Variants in CCDC110 observed in about 807,000 individuals in gnomAD.
CCDC110 encodes the protein coiled-coil domain containing 110, also known as coiled-coil domain-containing protein 110.
CCDC110 carries 70 observed loss-of-function variants against 77.1 expected under a neutral mutation model. The ratio of observed to expected loss-of-function variants is 0.91; its 90% CI spans 0.75 to 1.11. CCDC110 has a LOEUF of 1.11. Ranked by LOEUF, CCDC110 falls within the 50% of genes least tolerant of loss-of-function variation. CCDC110 has a pLI of 0.00. For synonymous variants in CCDC110, 295 were observed against 312.5 expected (o/e 0.94, Z 0.59); for missense variants, 868 against 942.9 (o/e 0.92, Z 1.04).
intron 6 of CCDC110, among the ~76,000 whole-genome samples, chr4:185,456,124 A>G (rs1414382921): frequency 7.4e-6 from 1 of 135,122 alleles, no homozygotes; most frequent in East Asian, 2.3e-4. Flanking sequence ...TGGGCAATAA[A>G]ACAAGTCTCA....
At chr4:185,461,263 C>G in intron 4 of CCDC110, 104 bp from the exon 5 acceptor site, 1 of 568,642 alleles carries the variant, frequency 1.8e-6, no homozygotes, top group South Asian at 2.4e-5. Context: ...AATTTCCTGC[C>G]CATAAACAGT....
At chr4:185,448,557 T>C (rs899233991) in intron 6 of CCDC110, among the ~76,000 whole-genome samples, 4 of 152,194 alleles carry the variant, frequency 2.6e-5, no homozygotes, top group African/African-American at 9.7e-5. Context: ...TTCCCCTAGA[T>C]ATTAGGGTAA....
chr4:185,462,664 C>T lies in CCDC110; in HGVS notation c.216G>A (p.Gln72=). 1 of 1,613,858 alleles carries T rather than the reference C, an allele frequency of 6.2e-7. No individual in the cohort carries two copies. The highest frequency in any genetic ancestry group is 1.1e-5 in the South Asian group (1 of 91,076). ...QLESFQALRM[Q]TLQNVSMVQS... ...ATACCATGCTGACATTCTGCAAAGT[C>T]TGCATTCGCAAAGCCTGAAATGATT... is the stretch of plus-strand genomic sequence containing the variant. Residue 72 remains glutamine, a synonymous_variant, in exon 4 of 7, where the codon CAG becomes CAA. Transcript: ENST00000307588.
chr4:185,460,018 T>G lies in CCDC110; in HGVS notation c.569A>C (p.Asn190Thr), dbSNP rs758018861. The G allele has an allele frequency of 1.2e-6, 2 of 1,613,200 alleles. No homozygotes were observed. The highest frequency in any genetic ancestry group is 1.7e-5 in the Admixed American group (1 of 59,948). The stretch of plus-strand genomic sequence containing the variant: ...ATTATAATTCTTCAAGATGTCAGAA[T>G]TTTCTGAAGGGTGTATAATTATGTT... ...SSNIIIHPSE[N>T]SDILKNYNNF... Residue 190 changes from asparagine to threonine, a missense_variant, in exon 6 of 7, where the codon AAT becomes ACT. Asn to Thr is a moderately conservative substitution (Grantham distance 65). Coordinates refer to ENST00000307588, the MANE Select transcript of CCDC110 (RefSeq NM_152775.4).
At chr4:185,448,057 G>C (rs1234346610) in intron 6 of CCDC110, among the ~76,000 whole-genome samples, 3 of 152,062 alleles carry the variant, frequency 2.0e-5, no homozygotes, top group Admixed American at 6.5e-5. Flanking sequence ...TTTCACTCTT[G>C]TCACCCAGGC....
intron 6 of CCDC110, among the ~76,000 whole-genome samples, chr4:185,455,145 C>T (rs939733289): frequency 6.6e-6 from 1 of 152,082 alleles, no homozygotes; most frequent in Non-Finnish European, 1.5e-5. Context: ...AAAGGATGCA[C>T]CTAACTTTTT....
Position 185,458,263 on chromosome 4 carries a change from C to A in CCDC110, c.2324G>T (p.Ser775Ile), listed in dbSNP as rs2095639186. The A allele has an allele frequency of 1.1e-5, 17 of 1,600,318 alleles. No individual in the cohort carries two copies. In the East Asian group the frequency reaches 3.8e-4, roughly 36 times the overall value. Reference sequence around the variant, plus strand: ...ATTATGCTGATTACAAATTTTATCACTTAAACTTAAATATTCTCGTTGAAG... The same window carrying A: ...ATTATGCTGATTACAAATTTTATCAATTAAACTTAAATATTCTCGTTGAAG... ...RHLQREYLSL[S>I]DKICNQHNDP... The change falls in exon 6 of 7, where the codon AGT (serine) becomes ATT (isoleucine). Residue 775 changes from serine to isoleucine, a missense_variant. By Grantham distance (142) the Ser-to-Ile change is moderately radical. Coordinates refer to ENST00000307588, the MANE Select transcript of CCDC110 (RefSeq NM_152775.4).
At position 185,468,121 on chromosome 4, in the gene CCDC110, T is replaced by A. The variant is rs2095659461; in HGVS notation, c.115+2824A>T. On this transcript the variant is annotated intron_variant, in intron 2 of 6. Transcript: ENST00000307588. This position sits in a 1 kb window ranked among gnomAD's most constrained non-coding sequence, Gnocchi z 4.5. ...GACAATTCAAGTTCATTCCTAGATG[T>A]CCCTGTCTTACAAAGCTTTGTGAGG... 6.6e-6 allele frequency among the ~76,000 whole-genome samples: 1 copy of A among 152,220 alleles called. No homozygotes were observed. The highest frequency in any genetic ancestry group is 1.5e-5 in the Non-Finnish European group (1 of 68,040).
chr4:185,469,958 C>T (rs997888736), intron 2 of CCDC110, among the ~76,000 whole-genome samples: 1 of 152,198 alleles, frequency 6.6e-6, no homozygotes. Flanking sequence ...CTAGACCCTT[C>T]TCCTGCCCCG....
intron 4 of CCDC110, 36 bp from the exon 5 acceptor site, chr4:185,461,195 A>G: frequency 9.0e-7 from 1 of 1,105,472 alleles, no homozygotes; most frequent in Non-Finnish European, 1.3e-6. Context: ...TTGATTTCAG[A>G]TTTGTAAACT....
chr4:185,457,251 G>A, intron 6 of CCDC110: 1 of 456,262 alleles, frequency 2.2e-6, no homozygotes, highest in Admixed American at 2.3e-5. Context: ...CTGGAGCACA[G>A]AACAGGTGTG....
intron 5 of CCDC110, 123 bp downstream of exon 5, chr4:185,460,926 T>C (rs748336548): frequency 6.9e-6 from 4 of 578,420 alleles, no homozygotes. Flanking sequence ...GGAGTTTCCT[T>C]ATTTTCATCT....
intron 2 of CCDC110, among the ~76,000 whole-genome samples, chr4:185,467,052 A>T (rs1308467915): frequency 1.3e-5 from 2 of 152,208 alleles, no homozygotes; most frequent in Non-Finnish European, 2.9e-5. Context: ...TTATGAGTGG[A>T]GCGGCCAGGG....
chr4:185,449,745 C>A, intron 6 of CCDC110: 1 of 744,650 alleles, frequency 1.3e-6, no homozygotes, highest in South Asian at 2.3e-5. Flanking sequence ...GCAGATAGCT[C>A]AAGCAGTTAA....
chr4:185,470,218 C>T lies in CCDC110; in HGVS notation c.115+727G>A, dbSNP rs545911174. 3.9e-4 allele frequency among the ~76,000 whole-genome samples: 59 copies of T among 152,328 alleles called. 1 individual carries two copies. The highest frequency in any genetic ancestry group is 1.3e-3 in the African/African-American group (54 of 41,566). On this transcript the variant is annotated intron_variant, in intron 2 of 6. Transcript: ENST00000307588. The stretch of plus-strand genomic sequence containing the variant: ...TTTTCTTTAGAAAAGGTATACACCC[C>T]TCCCTGGATATCCACAGGGGATTGG...
intron 5 of CCDC110, among the ~76,000 whole-genome samples, chr4:185,460,725 A>G (rs2095644507): frequency 6.6e-6 from 1 of 152,146 alleles, no homozygotes; most frequent in Non-Finnish European, 1.5e-5. Flanking sequence ...GAGCTTTTCT[A>G]GGGAATTTAC....
intron 6 of CCDC110, among the ~76,000 whole-genome samples, chr4:185,450,839 G>A (rs2095627956): frequency 6.6e-6 from 1 of 152,180 alleles, no homozygotes; most frequent in Non-Finnish European, 1.5e-5. Context: ...ACCAGGGGCA[G>A]GGGCTGGTGG....
rs1580186325 is a variant in CCDC110 at position 185,460,383 on chromosome 4, A to T, written c.349-145T>A. 6.9e-6 allele frequency: 4 copies of T among 581,322 alleles called. No individual in the cohort carries two copies. The East Asian group carries it at 1.2e-4, about 17-fold the overall frequency. The allele number at this position is 581,322 out of a possible 1,614,324, so 36.0% of individuals were successfully genotyped here. On this transcript the variant is annotated intron_variant, in intron 5 of 6. Transcript: ENST00000307588. Reference sequence around the variant, plus strand: ...ACAGCAAAGGAGCATAACAAGTATGATTTATTTTCTCCAACAGTTATTTTG... The same window carrying T: ...ACAGCAAAGGAGCATAACAAGTATGTTTTATTTTCTCCAACAGTTATTTTG...
intron 6 of CCDC110, among the ~76,000 whole-genome samples, chr4:185,446,353 CTT>C (rs2095611252): frequency 6.6e-6 from 1 of 152,122 alleles, no homozygotes; most frequent in Non-Finnish European, 1.5e-5. Flanking sequence ...TGTCTTAAAA[CTT>C]TGATAATTTG....
Sources: gnomAD v4.1 joint callset for allele counts (sites outside exome capture counted in the v4.1 genomes callset) on GRCh38, gnomAD v4.1.1 for gene constraint, Gnocchi (gnomAD v3.1) non-coding constraint, MANE v1.5 for transcripts, NCBI Gene and HGNC (gene_info 2026-07-23, HGNC 2026-07-21) for gene names.